Variants in PLEKHM3 observed in about 807,000 individuals in gnomAD.
The protein encoded by PLEKHM3 is pleckstrin homology domain-containing family M member 3.
PLEKHM3 carries 45 observed loss-of-function variants against 81.8 expected under a neutral mutation model. That is an observed-to-expected ratio of 0.55 (90% CI 0.43 to 0.71). PLEKHM3 has a LOEUF of 0.71. Ranked by LOEUF, PLEKHM3 falls within the 30% of genes least tolerant of loss-of-function variation. The pLI is 0.00. For synonymous variants in PLEKHM3, 352 were observed against 356.4 expected, an observed-to-expected ratio of 0.99 and a Z score of 0.14; for missense variants, 788 against 924.3, an observed-to-expected ratio of 0.85 and a Z score of 1.91.
At position 207,966,085 on chromosome 2, in the gene PLEKHM3, CTTAT is replaced by C. The variant is rs547545281; in HGVS notation, c.1546+10562_1546+10565del. 1.4e-4 allele frequency among the ~76,000 whole-genome samples: 21 copies of C among 152,328 alleles called. No individual in the cohort carries two copies. The East Asian group carries it at 2.1e-3, about 15-fold the overall frequency. ...TGAGTTCAACTGTGTGTTATAATTA[CTTAT>C]TTATTTGTCTGGCTTCCAGTTTTCA... On this transcript the variant is annotated intron_variant, in intron 3 of 7. Coordinates refer to ENST00000427836, the MANE Select transcript of PLEKHM3 (RefSeq NM_001080475.3).
chr2:207,865,801 A>AAAAAAAATATAT lies in PLEKHM3; in HGVS notation c.1951-4540_1951-4539insATATATTTTTTT. ...CGACTCAAAAAAAAAAAAAAAAAAA[A>AAAAAAAATATAT]AGATATATATATATATATATATATA... On this transcript the variant is annotated intron_variant, in intron 6 of 7. Coordinates refer to ENST00000427836, the MANE Select transcript of PLEKHM3 (RefSeq NM_001080475.3). 8.3e-4 allele frequency among the ~76,000 whole-genome samples: 21 copies of AAAAAAAATATAT among 25,284 alleles called. 3 individuals carry two copies. Among genetic ancestry groups the AAAAAAAATATAT allele is most frequent in the East Asian group, 3.3e-3 (3 of 902 alleles). The allele number at this position is 25,284 out of a possible 152,430, so 16.6% of individuals were successfully genotyped here.
intron 6 of PLEKHM3, among the ~76,000 whole-genome samples, chr2:207,865,335 A>G (rs537878183): frequency 6.6e-6 from 1 of 152,322 alleles, no homozygotes; most frequent in South Asian, 2.1e-4. Context: ...AAAGTCTACA[A>G]TTCAATGGTT....
chr2:207,994,710 T>C (rs1692012321), intron 2 of PLEKHM3, among the ~76,000 whole-genome samples: 1 of 152,222 alleles, frequency 6.6e-6, no homozygotes, highest in Non-Finnish European at 1.5e-5. Context: ...TAACTGCCTC[T>C]GCTGTCACTT....
intron 3 of PLEKHM3, among the ~76,000 whole-genome samples, chr2:207,972,351 G>GC (rs1343681655): frequency 6.6e-6 from 1 of 151,074 alleles, no homozygotes; most frequent in Admixed American, 6.6e-5. Flanking sequence ...AGGCCGGGGG[G>GC]CGGGGGGGCG....
In PLEKHM3 at chr2:207,976,795, T is replaced by A; in HGVS notation, c.1402A>T (p.Thr468Ser). Residue 468 changes from threonine (T) to serine (S), a missense_variant, in exon 3 of 8, where the codon ACA (threonine) becomes TCA (serine). Physicochemically the swap from Thr to Ser is moderately conservative, Grantham distance 58 (BLOSUM62 1). Coordinates refer to ENST00000427836, the MANE Select transcript of PLEKHM3 (RefSeq NM_001080475.3). This position sits in a 1 kb window ranked among gnomAD's most constrained non-coding sequence, Gnocchi z 4.1. ...ARSSEQNLQV[T>S]LRNKPKDQMG... ...TGATCCTTGGGTTTGTTCCTCAGTG[T>A]GACTTGCAGGTTTTGCTCTGAACTC... 6.2e-7 allele frequency: 1 copy of A among 1,614,250 alleles called. No homozygotes were observed. The highest frequency in any genetic ancestry group is 8.5e-7 in the Non-Finnish European group (1 of 1,180,046).
intron 5 of PLEKHM3, among the ~76,000 whole-genome samples, chr2:207,927,290 G>A (rs1016015853): frequency 6.6e-6 from 1 of 152,114 alleles, no homozygotes; most frequent in Non-Finnish European, 1.5e-5. Flanking sequence ...AGGTATTGGT[G>A]ACTAACTTTG....
intron 7 of PLEKHM3, among the ~76,000 whole-genome samples, chr2:207,846,265 T>C (rs1196886691): frequency 6.6e-6 from 1 of 151,920 alleles, no homozygotes; most frequent in East Asian, 2.0e-4. Flanking sequence ...CCTCAGCCTC[T>C]CAAGTAGCTG....
intron 7 of PLEKHM3, among the ~76,000 whole-genome samples, chr2:207,841,378 T>C (rs1429265310): frequency 2.9e-5 from 4 of 138,268 alleles, no homozygotes; most frequent in Non-Finnish European, 6.0e-5. Context: ...GGCGCGATAA[T>C]CGCTTCAACC....
In PLEKHM3 at chr2:207,946,509, C is replaced by A. The variant is rs1370146591; in HGVS notation, c.1550G>T (p.Cys517Phe). The A allele has an allele frequency of 1.2e-6, 2 of 1,613,698 alleles. No homozygotes were observed. Among genetic ancestry groups the A allele is most frequent in the Non-Finnish European group, 1.7e-6 (2 of 1,179,754 alleles). Residue 517 changes from cysteine (C) to phenylalanine (F), a missense_variant, in exon 4 of 8, where the codon TGC (cysteine) becomes TTC (phenylalanine). Coordinates refer to ENST00000427836, the MANE Select transcript of PLEKHM3 (RefSeq NM_001080475.3). ...ATTGGAAAGACCTATGGATCGCTGG[C>A]AGCCTGTTCAAGGAAAAAGGAAGAG... is the stretch of plus-strand genomic sequence containing the variant. ...LTAQSFKCAG[C>F]QRSIGLSNGK...
intron 3 of PLEKHM3, among the ~76,000 whole-genome samples, chr2:207,973,493 C>A (rs1234166479): frequency 6.6e-6 from 1 of 152,194 alleles, no homozygotes; most frequent in Admixed American, 6.5e-5. Context: ...AATCCCAGCA[C>A]TTTGGGAGGC....
intron 1 of PLEKHM3, among the ~76,000 whole-genome samples, chr2:208,003,513 T>C (rs1268528635): frequency 6.6e-6 from 1 of 152,216 alleles, no homozygotes; most frequent in Admixed American, 6.5e-5. Flanking sequence ...ACCTTTATTT[T>C]AGATCAAGGA....
At chr2:208,024,145 A>ACT (rs1693226815) in intron 1 of PLEKHM3, among the ~76,000 whole-genome samples, 3 of 139,382 alleles carry the variant, frequency 2.2e-5, no homozygotes, top group Admixed American at 6.8e-5. Context: ...CCTGTCTCAA[A>ACT]ATAAAATAAA....
chr2:207,840,006 G>T (rs919937270), intron 7 of PLEKHM3, among the ~76,000 whole-genome samples: 2 of 152,190 alleles, frequency 1.3e-5, no homozygotes, highest in Non-Finnish European at 2.9e-5. Context: ...CTGGGCTGGG[G>T]CCCAGCAATC....
At chr2:207,980,168 A>T (rs1015501798) in intron 2 of PLEKHM3, among the ~76,000 whole-genome samples, 1 of 151,586 alleles carries the variant, frequency 6.6e-6, no homozygotes, top group Non-Finnish European at 1.5e-5. Context: ...AATAAAAACC[A>T]CCTCTCCTGC....
At chr2:208,024,806 T>G (rs1559289467) in intron 1 of PLEKHM3, among the ~76,000 whole-genome samples, 1 of 152,256 alleles carries the variant, frequency 6.6e-6, no homozygotes, top group Non-Finnish European at 1.5e-5. Context: ...TGTCTTGCTT[T>G]GCAAGGTATA....
intron 5 of PLEKHM3, among the ~76,000 whole-genome samples, chr2:207,918,918 T>C: frequency 6.6e-6 from 1 of 152,132 alleles, no homozygotes; most frequent in Non-Finnish European, 1.5e-5. Flanking sequence ...TCACACCTGA[T>C]GGCCTAAGAG....
Position 207,821,302 on chromosome 2 carries a change from T to C in PLEKHM3, c.*7017A>G, listed in dbSNP as rs550745486. ...AGAAAGGAAAGTATTTTCTGCATTG[T>C]TTATTGAGAGAGAGAGAGAGAGAAC... On this transcript the variant is annotated 3_prime_UTR_variant, in exon 8 of 8. Transcript: ENST00000427836. The C allele has an allele frequency of 6.6e-6, 1 of 151,850 alleles. No homozygotes were observed. The highest frequency in any genetic ancestry group is 1.5e-5 in the Non-Finnish European group (1 of 67,988). The allele number at this position is 151,850 out of a possible 1,614,324, so 9.4% of individuals were successfully genotyped here.
chr2:207,890,256 C>T (rs763340930), intron 6 of PLEKHM3, among the ~76,000 whole-genome samples: 1 of 152,118 alleles, frequency 6.6e-6, no homozygotes, highest in African/African-American at 2.4e-5. Flanking sequence ...AATAGAGTTA[C>T]CAGAAATCTT....
At chr2:207,964,386 C>T (rs973744212) in intron 3 of PLEKHM3, among the ~76,000 whole-genome samples, 1 of 152,174 alleles carries the variant, frequency 6.6e-6, no homozygotes, top group African/African-American at 2.4e-5. Context: ...GCAAATGATA[C>T]TCAAATCACA....
Sources: allele counts gnomAD v4.1 joint callset (sites outside exome capture counted in the v4.1 genomes callset), GRCh38; gene constraint gnomAD v4.1.1; non-coding constraint Gnocchi (gnomAD v3.1); transcripts MANE v1.5; gene names NCBI Gene and HGNC (gene_info 2026-07-23, HGNC 2026-07-21).